Variants in ZNF141 observed in about 807,000 individuals in gnomAD.
ZNF141 encodes the protein zinc finger protein 141.
ZNF141 carries 7 observed loss-of-function variants against 11.3 expected under a neutral mutation model. The ratio of observed to expected loss-of-function variants is 0.62; its 90% confidence interval spans 0.35 to 1.16. The LOEUF is 1.16. Ranked by LOEUF, ZNF141 falls within the 50% of genes most tolerant of loss-of-function variation. ZNF141 has a pLI of 0.02. For missense variants in ZNF141, 535 were observed against 554.0 expected (o/e 0.97, Z 0.34); for synonymous variants, 183 against 190.7 (o/e 0.96, Z 0.33).
Position 347,559 on chromosome 4 carries a change from T to A in ZNF141, c.226+3129T>A, listed in dbSNP as rs559792614. ...TTTCGCTGTGTTAGCCAGGATGGTCTTGGTCTCCTGATCTCATGATCCGCC... is the reference window on the plus strand; with the variant it reads ...TTTCGCTGTGTTAGCCAGGATGGTCATGGTCTCCTGATCTCATGATCCGCC... On this transcript the variant is annotated intron_variant, in intron 3 of 3. Transcript: ENST00000240499. 1.6e-4 allele frequency among the ~76,000 whole-genome samples: 25 copies of A among 151,624 alleles called. 1 individual carries two copies. The South Asian group carries it at 5.2e-3, about 32-fold the overall frequency.
In ZNF141 at chr4:343,751, A is replaced by G. The variant is rs570264888; in HGVS notation, c.4-31A>G. 2.7e-6 allele frequency: 4 copies of G among 1,484,882 alleles called. No homozygotes were observed. The East Asian group carries it at 1.0e-4, about 37-fold the overall frequency. 92.0% of individuals were successfully genotyped at this position (1,484,882 alleles called of 1,614,324 possible). ...AAAAAAAAAAAAAAAAAAAAAAAGAACTATGTCCCTTGATATATTTGTATT... is the reference window on the plus strand; with the variant it reads ...AAAAAAAAAAAAAAAAAAAAAAAGAGCTATGTCCCTTGATATATTTGTATT... On this transcript the variant is annotated intron_variant, in intron 1 of 3. Coordinates refer to ENST00000240499, the MANE Select transcript of ZNF141 (RefSeq NM_003441.4).
At chr4:351,946 A>G (rs1174022206) in intron 3 of ZNF141, among the ~76,000 whole-genome samples, 1 of 152,182 alleles carries the variant, frequency 6.6e-6, no homozygotes, top group Non-Finnish European at 1.5e-5. Context: ...CATATTGTCA[A>G]GTAAAATAAA....
At chr4:338,932 A>T (rs1720920688) in intron 1 of ZNF141, among the ~76,000 whole-genome samples, 1 of 152,226 alleles carries the variant, frequency 6.6e-6, no homozygotes, top group African/African-American at 2.4e-5. Flanking sequence ...CGGGTTCTGC[A>T]CATGCACTGT....
At position 374,109 on chromosome 4, in the gene ZNF141, A is replaced by T; in HGVS notation, c.*247A>T. The T allele has an allele frequency of 1.9e-6, 1 of 523,206 alleles. No individual in the cohort carries two copies. Among genetic ancestry groups the T allele is most frequent in the Non-Finnish European group, 3.4e-6 (1 of 293,564 alleles). The allele number at this position is 523,206 out of a possible 1,614,324, so 32.4% of individuals were successfully genotyped here. A position where few individuals can be genotyped will look rare whatever the true frequency, so the allele number is the denominator to read the frequency against. Reference sequence around the variant, plus strand: ...CCTGAATGAGCAGAAGAAAATTATTACTGGAGATAAACCCTGCAAATGTAA... The same window carrying T: ...CCTGAATGAGCAGAAGAAAATTATTTCTGGAGATAAACCCTGCAAATGTAA... On this transcript the variant is annotated 3_prime_UTR_variant, in exon 4 of 4. Transcript: ENST00000240499.
chr4:370,255 C>G (rs1437229631), intron 3 of ZNF141, among the ~76,000 whole-genome samples: 1 of 151,776 alleles, frequency 6.6e-6, no homozygotes, highest in East Asian at 1.9e-4. Flanking sequence ...TAGAGAAAAA[C>G]TTTTTTGCAC....
chr4:342,194 A>T (rs1721081181), intron 1 of ZNF141, among the ~76,000 whole-genome samples: 1 of 152,224 alleles, frequency 6.6e-6, no homozygotes, highest in South Asian at 2.1e-4. Flanking sequence ...CACACATAAT[A>T]TGAGCTTCCC....
In ZNF141 at chr4:381,551, A is replaced by G. The variant is rs2108663150; in HGVS notation, c.*7689A>G. On this transcript the variant is annotated 3_prime_UTR_variant, in exon 4 of 4. Coordinates refer to ENST00000240499, the MANE Select transcript of ZNF141 (RefSeq NM_003441.4). ...AGCCCCCTGAGTAGCTGGGACTAAC[A>G]GGTGCGCCCCACCACGCCTGAAAAA... is the stretch of plus-strand genomic sequence containing the variant. Among the ~76,000 whole-genome samples, 1 of 151,856 alleles carries G rather than the reference A, an allele frequency of 6.6e-6. No individual in the cohort carries two copies. The highest frequency in any genetic ancestry group is 2.1e-4 in the South Asian group (1 of 4,796).
At chr4:359,377 G>T (rs1268734989) in intron 3 of ZNF141, among the ~76,000 whole-genome samples, 1 of 152,204 alleles carries the variant, frequency 6.6e-6, no homozygotes, top group South Asian at 2.1e-4. Flanking sequence ...CTGCTGTTTG[G>T]CTCTTGCGAG....
chr4:341,529 T>C (rs955750938), intron 1 of ZNF141, among the ~76,000 whole-genome samples: 1 of 152,212 alleles, frequency 6.6e-6, no homozygotes, highest in African/African-American at 2.4e-5. Flanking sequence ...CTGTATGTTA[T>C]ACAAAAGACA....
rs552545158 is a variant in ZNF141 at position 347,755 on chromosome 4, C to A, written c.226+3325C>A. Among the ~76,000 whole-genome samples the A allele has an allele frequency of 2.0e-5, 3 of 147,414 alleles. No homozygotes were observed. The East Asian group carries it at 5.9e-4, about 29-fold the overall frequency. On this transcript the variant is annotated intron_variant, in intron 3 of 3. Transcript: ENST00000240499. Reference sequence around the variant, plus strand: ...TTCTTCTTTGGGAAAAAAAAAAAATCTAACCTTTTGCCTATTTTCGAATGG... The same window carrying A: ...TTCTTCTTTGGGAAAAAAAAAAAATATAACCTTTTGCCTATTTTCGAATGG...
At chr4:346,899 C>A (rs1721352994) in intron 3 of ZNF141, among the ~76,000 whole-genome samples, 1 of 140,842 alleles carries the variant, frequency 7.1e-6, no homozygotes, top group Non-Finnish European at 1.5e-5. Context: ...ACACACCGCC[C>A]CCCCCATATA....
chr4:358,554 T>C (rs909692815), intron 3 of ZNF141: 8 of 160,308 alleles, frequency 5.0e-5, no homozygotes, highest in Non-Finnish European at 9.6e-5. Flanking sequence ...CTGTGTACTT[T>C]TGCATTTTAT....
chr4:350,990 C>G (rs1553850372), intron 3 of ZNF141, among the ~76,000 whole-genome samples: 2 of 151,672 alleles, frequency 1.3e-5, no homozygotes, highest in Non-Finnish European at 2.9e-5. Flanking sequence ...ACCTCATGAT[C>G]CGTCCACCTC....
intron 3 of ZNF141, among the ~76,000 whole-genome samples, chr4:346,271 T>C (rs565501876): frequency 3.3e-5 from 5 of 152,362 alleles, no homozygotes; most frequent in African/African-American, 9.6e-5. Flanking sequence ...AGAACCTAAT[T>C]TGAACATTAA....
chr4:369,198 T>C (rs144677554), intron 3 of ZNF141, among the ~76,000 whole-genome samples: 1 of 152,102 alleles, frequency 6.6e-6, no homozygotes, highest in Non-Finnish European at 1.5e-5. Flanking sequence ...CATTAATATA[T>C]GTATACCCAC....
At chr4:350,265 T>C (rs374198717) in intron 3 of ZNF141, 9 of 529,992 alleles carry the variant, frequency 1.7e-5, no homozygotes, top group Admixed American at 3.9e-5. Flanking sequence ...TAACCCTCGA[T>C]CTCTGGCTCC....
At chr4:345,361 A>G (rs1240157614) in intron 3 of ZNF141, among the ~76,000 whole-genome samples, 5 of 152,074 alleles carry the variant, frequency 3.3e-5, no homozygotes, top group African/African-American at 1.2e-4. Context: ...TGTAATGTAA[A>G]CTCTATATGT....
At chr4:346,236 A>AT (rs1201298940) in intron 3 of ZNF141, among the ~76,000 whole-genome samples, 7 of 152,218 alleles carry the variant, frequency 4.6e-5, no homozygotes, top group Non-Finnish European at 7.3e-5. Context: ...TAGCAACATT[A>AT]TTTCATTTAA....
intron 3 of ZNF141, among the ~76,000 whole-genome samples, chr4:354,438 T>G (rs1223361652): frequency 2.6e-5 from 4 of 152,232 alleles, no homozygotes; most frequent in African/African-American, 7.2e-5. Context: ...GGCTTAATCC[T>G]CACATTGGAA....
Sources: allele counts gnomAD v4.1 joint callset (sites outside exome capture counted in the v4.1 genomes callset), GRCh38; gene constraint gnomAD v4.1.1; transcripts MANE v1.5; gene names NCBI Gene and HGNC (gene_info 2026-07-23, HGNC 2026-07-21).